TRMT44: variants seen among roughly 807,000 people sequenced by gnomAD.
The protein encoded by TRMT44 is tRNA methyltransferase 44 homolog, also known as probable tRNA (uracil-O(2)-)-methyltransferase.
Under a neutral mutation model 77.3 loss-of-function variants are expected in TRMT44, and 78 were observed. The observed-to-expected ratio is 1.01, with a 90% CI of 0.84 to 1.22. The LOEUF (loss-of-function observed/expected upper bound fraction) is 1.22, where lower values mean the gene tolerates loss of function less well. Among genes scored for constraint, TRMT44 ranks in the 50% most tolerant of loss-of-function variants. TRMT44 has a pLI of 0.00. For synonymous variants in TRMT44, 391 were observed against 383.3 expected (o/e 1.02, Z -0.23); for missense variants, 1,090 against 964.4 (o/e 1.13, Z -1.73).
downstream of TRMT44, among the ~76,000 whole-genome samples, chr4:8,496,843 T>A (rs1728165164): frequency 6.6e-6 from 1 of 152,024 alleles, no homozygotes; most frequent in South Asian, 2.1e-4. Context: ...AATTAATTTT[T>A]AAAAATTGAT....
At chr4:8,497,086 A>G (rs952720414), downstream of TRMT44, among the ~76,000 whole-genome samples, 1 of 152,064 alleles carries the variant, frequency 6.6e-6, no homozygotes, top group Non-Finnish European at 1.5e-5. Flanking sequence ...GAGTTATAAG[A>G]TAATGCTGTC....
intron 10 of TRMT44, among the ~76,000 whole-genome samples, chr4:8,471,725 T>C (rs1727018701): frequency 6.6e-6 from 1 of 152,230 alleles, no homozygotes; most frequent in Non-Finnish European, 1.5e-5. Context: ...CCCAACGCCC[T>C]GTGACTCCAG....
At chr4:8,472,749 A>G (rs559241680) in intron 10 of TRMT44, among the ~76,000 whole-genome samples, 1 of 152,274 alleles carries the variant, frequency 6.6e-6, no homozygotes, top group South Asian at 2.1e-4. Flanking sequence ...GGCTGCCCCC[A>G]GAGTAGACAC....
the TRMT44 span, among the ~76,000 whole-genome samples, chr4:8,511,340 G>T: frequency 6.6e-6 from 1 of 152,174 alleles, no homozygotes; most frequent in African/African-American, 2.4e-5. Flanking sequence ...CTCCGTGGTG[G>T]TCTGCACTTG....
In TRMT44 at chr4:8,449,682, T is replaced by A. The variant is rs923522812; in HGVS notation, c.748T>A (p.Leu250Ile). The A allele has an allele frequency of 6.5e-7, 1 of 1,535,706 alleles. No individual in the cohort carries two copies. Among genetic ancestry groups the A allele is most frequent in the African/African-American group, 1.4e-5 (1 of 73,046 alleles). ...TTATTTTTAAAGGTTCATATCTGTTTTAATTTTCTGTCCAGAAAGATGGCA... is the reference window on the plus strand; with the variant it reads ...TTATTTTTAAAGGTTCATATCTGTTATAATTTTCTGTCCAGAAAGATGGCA... ...HSKEEWFISV[L>I]IFCPERWHSD... Residue 250 changes from leucine to isoleucine, a missense_variant, in exon 3 of 11, where the codon TTA becomes ATA. Transcript: ENST00000389737.
At position 8,449,888 on chromosome 4, in the gene TRMT44, G is replaced by A. The variant is rs1487944830; in HGVS notation, c.954G>A (p.Lys318=). The change falls in exon 3 of 11, where the codon AAG becomes AAA. Residue 318 remains lysine (K), a splice_region_variant and synonymous_variant. Coordinates refer to ENST00000389737, the MANE Select transcript of TRMT44 (RefSeq NM_152544.3). ...ELKEKYKEMV[K]VWPEVTDPEK... The stretch of plus-strand genomic sequence containing the variant: ...AAGAGAAGTATAAGGAAATGGTTAA[G>A]GTAATTCTGGTGGAGAATATCTGAT... 6.8e-7 allele frequency: 1 copy of A among 1,471,646 alleles called. No individual in the cohort carries two copies. Among genetic ancestry groups the A allele is most frequent in the Non-Finnish European group, 9.1e-7 (1 of 1,100,690 alleles). The allele number at this position is 1,471,646 out of a possible 1,614,324, so 91.2% of individuals were successfully genotyped here. A position where few individuals can be genotyped will look rare whatever the true frequency, so the allele number is the denominator to read the frequency against.
Position 8,486,049 on chromosome 4 carries a change from C to G in TRMT44, n.3891+6516C>G, listed in dbSNP as rs549947296. ...ATCGGGCAGCGTCAATCTTCAGTTG[C>G]TAAGCCAAGAAGATCTGGGAAGGAG... On this transcript the variant is annotated intron_variant and non_coding_transcript_variant, in intron 2 of 2. Coordinates refer to the TRMT44 transcript ENST00000511366. Among the ~76,000 whole-genome samples, 20 of 152,330 alleles carry G rather than the reference C, an allele frequency of 1.3e-4. No individual in the cohort carries two copies. In the South Asian group the frequency reaches 3.9e-3, roughly 30 times the overall value.
chr4:8,514,179 G>C, the TRMT44 span, among the ~76,000 whole-genome samples: 16 of 151,938 alleles, frequency 1.1e-4, no homozygotes, highest in African/African-American at 3.6e-4. Context: ...CTCTGCACAG[G>C]GCACCTGGCA....
At chr4:8,450,123 C>T (rs554579483) in intron 3 of TRMT44, among the ~76,000 whole-genome samples, 64 of 151,806 alleles carry the variant, frequency 4.2e-4, no homozygotes, top group African/African-American at 1.3e-3. Flanking sequence ...CATGCCACCA[C>T]GCCTGGCTAA....
intron 6 of TRMT44, among the ~76,000 whole-genome samples, chr4:8,460,421 ATTC>A (rs1198136669): frequency 6.6e-6 from 1 of 152,250 alleles, no homozygotes; most frequent in East Asian, 1.9e-4. Flanking sequence ...TGCAAGGATT[ATTC>A]TTTTCTCTAT....
chr4:8,461,221 ATACAT>A lies in TRMT44; in HGVS notation c.1204-2756_1204-2752del, dbSNP rs373277278. ...GTGATTGGCAGTTGCTTGTCCACTC[ATACAT>A]TACATTAGGAAATGTTTTCAAAACC... On this transcript the variant is annotated intron_variant, in intron 6 of 10. Transcript: ENST00000389737. This position sits in a 1 kb window ranked among gnomAD's most constrained non-coding sequence, Gnocchi z 4.6. Among the ~76,000 whole-genome samples the A allele has an allele frequency of 3.9e-3, 591 of 152,310 alleles. 4 individuals carry two copies. The highest frequency in any genetic ancestry group is 0.014 in the African/African-American group (572 of 41,558).
At chr4:8,514,223 A>G in the TRMT44 span, among the ~76,000 whole-genome samples, 1 of 147,620 alleles carries the variant, frequency 6.8e-6, no homozygotes, top group South Asian at 2.1e-4. Flanking sequence ...CAGACTATGC[A>G]CCCACAGGAC....
intron 6 of TRMT44, among the ~76,000 whole-genome samples, chr4:8,459,928 GGAGAA>G (rs937798664): frequency 6.6e-6 from 1 of 152,170 alleles, no homozygotes; most frequent in Non-Finnish European, 1.5e-5. Context: ...GGCCGCCGCT[GGAGAA>G]GAGAACAGAA....
chr4:8,477,035 C>T (rs1399665664), downstream of TRMT44: 1 of 152,270 alleles, frequency 6.6e-6, no homozygotes, highest in African/African-American at 2.4e-5. Flanking sequence ...GCCATGGCGT[C>T]TGACCCCCGA....
At chr4:8,445,470 G>A (rs946813631) in intron 1 of TRMT44, among the ~76,000 whole-genome samples, 4 of 152,148 alleles carry the variant, frequency 2.6e-5, no homozygotes, top group Non-Finnish European at 4.4e-5. Context: ...CCTTGTCCAC[G>A]CCACTCACCT....
chr4:8,483,527 G>A (rs1237880566), intron 2 of TRMT44, among the ~76,000 whole-genome samples: 1 of 152,178 alleles, frequency 6.6e-6, no homozygotes, highest in African/African-American at 2.4e-5. Flanking sequence ...AGCATTCTGA[G>A]GACAGGTCTG....
At chr4:8,448,009 C>T (rs1007711342) in intron 2 of TRMT44, among the ~76,000 whole-genome samples, 1 of 152,140 alleles carries the variant, frequency 6.6e-6, no homozygotes, top group Non-Finnish European at 1.5e-5. Flanking sequence ...GAGGACGTGG[C>T]TGCTGCTCCC....
the TRMT44 span, among the ~76,000 whole-genome samples, chr4:8,498,879 G>A: frequency 6.6e-6 from 1 of 152,168 alleles, no homozygotes; most frequent in East Asian, 1.9e-4. The surrounding 1 kb of genome is among the most constrained non-coding windows in gnomAD (Gnocchi z 4.3). Context: ...TTAGAGCCAC[G>A]GGGCCCTCTA....
At chr4:8,465,673 C>T (rs781122853) in intron 8 of TRMT44, 112 bp downstream of exon 8, 93 of 940,684 alleles carry the variant, frequency 9.9e-5, no homozygotes, top group African/African-American at 1.5e-4. Flanking sequence ...TGTTCTAGAA[C>T]GTGCCGGTGC....
Sources: gnomAD v4.1 joint callset for allele counts (sites outside exome capture counted in the v4.1 genomes callset) on GRCh38, gnomAD v4.1.1 for gene constraint, Gnocchi (gnomAD v3.1) non-coding constraint, MANE v1.5 for transcripts, NCBI Gene and HGNC (gene_info 2026-07-23, HGNC 2026-07-21) for gene names.